The following EPM2A variants were observed in gnomAD, a reference collection of about 807,000 sequenced individuals.
EPM2A encodes the protein EPM2A glucan phosphatase, laforin.
A neutral mutation model predicts 26.5 loss-of-function variants in EPM2A; 21 were observed. The ratio of observed to expected loss-of-function variants is 0.79; its 90% CI spans 0.56 to 1.14. EPM2A has a LOEUF of 1.14. Among genes scored for constraint, EPM2A ranks in the 50% most tolerant of loss-of-function variants. EPM2A has a pLI of 0.00. For synonymous variants in EPM2A, 217 were observed against 177.6 expected (o/e 1.22, Z -1.76); for missense variants, 458 against 440.8 (o/e 1.04, Z -0.35).
intron 4 of EPM2A, among the ~76,000 whole-genome samples, chr6:145,400,853 G>C (rs1226859759): frequency 1.3e-5 from 2 of 151,756 alleles, no homozygotes; most frequent in African/African-American, 2.4e-5. Flanking sequence ...TTTCATCCGG[G>C]GCTCTGCTTC....
At chr6:145,724,873 A>G (rs959477423) in intron 1 of EPM2A, among the ~76,000 whole-genome samples, 3 of 152,082 alleles carry the variant, frequency 2.0e-5, no homozygotes, top group African/African-American at 7.2e-5. Flanking sequence ...ATATATACAT[A>G]TGTAAAAACT....
intron 2 of EPM2A, among the ~76,000 whole-genome samples, chr6:145,583,450 T>A (rs1781143098): frequency 6.6e-6 from 1 of 152,204 alleles, no homozygotes; most frequent in Non-Finnish European, 1.5e-5. Context: ...ACTCCTGTGC[T>A]GTGTTTTCTA....
At chr6:145,531,963 G>A (rs908650046) in intron 2 of EPM2A, among the ~76,000 whole-genome samples, 1 of 152,076 alleles carries the variant, frequency 6.6e-6, no homozygotes, top group African/African-American at 2.4e-5. Context: ...CTAACAATGC[G>A]ACTGCTTGGC....
intron 4 of EPM2A, among the ~76,000 whole-genome samples, chr6:145,417,854 C>T (rs1251808138): frequency 2.0e-5 from 3 of 152,164 alleles, no homozygotes; most frequent in Admixed American, 6.5e-5. Context: ...CCACACACCT[C>T]GAGAGCAGCT....
In EPM2A at chr6:145,735,192, C is replaced by T. The variant is rs1244237761; in HGVS notation, c.301+6G>A. On this transcript the variant is annotated splice_donor_region_variant and intron_variant, in intron 1 of 3. Transcript: ENST00000367519. ...TGCGCCGGGGGCAGGCGTCTGCTGG[C>T]AATACCTTCCCAGGAGAGCTCTCCT... 2.0e-6 allele frequency: 3 copies of T among 1,503,568 alleles called. No individual in the cohort carries two copies. Among genetic ancestry groups the T allele is most frequent in the Non-Finnish European group, 2.7e-6 (3 of 1,121,472 alleles). 93.1% of individuals were successfully genotyped at this position (1,503,568 alleles called of 1,614,324 possible). A position where few individuals can be genotyped will look rare whatever the true frequency, so the allele number is the denominator to read the frequency against.
intron 4 of EPM2A, among the ~76,000 whole-genome samples, chr6:145,386,951 G>A (rs1778270354): frequency 2.0e-5 from 3 of 152,014 alleles, no homozygotes; most frequent in South Asian, 4.2e-4. Flanking sequence ...CATACTTTAG[G>A]GGATCTAGGG....
intron 1 of EPM2A, among the ~76,000 whole-genome samples, chr6:145,699,831 A>T (rs1202145055): frequency 1.3e-5 from 2 of 152,236 alleles, no homozygotes; most frequent in Non-Finnish European, 2.9e-5. Flanking sequence ...ACATTAGTTA[A>T]TGATTCATGA....
At chr6:145,591,272 TA>T (rs920661700) in intron 2 of EPM2A, among the ~76,000 whole-genome samples, 8 of 151,658 alleles carry the variant, frequency 5.3e-5, no homozygotes, top group Non-Finnish European at 7.4e-5. Flanking sequence ...GCAAAATAAA[TA>T]AAAAAAACTA....
intron 2 of EPM2A, among the ~76,000 whole-genome samples, chr6:145,522,402 C>T (rs919621482): frequency 6.6e-6 from 1 of 152,060 alleles, no homozygotes; most frequent in East Asian, 1.9e-4. Context: ...ATTCCCCCTC[C>T]ATCAACTGAC....
At chr6:145,450,595 TA>T (rs1374733757) in intron 4 of EPM2A, among the ~76,000 whole-genome samples, 2 of 152,186 alleles carry the variant, frequency 1.3e-5, no homozygotes, top group Non-Finnish European at 2.9e-5. Flanking sequence ...CTCTGATCAG[TA>T]AGCAGTTAAA....
At chr6:145,694,888 C>T (rs554851417) in intron 1 of EPM2A, among the ~76,000 whole-genome samples, 1 of 152,052 alleles carries the variant, frequency 6.6e-6, no homozygotes, top group Admixed American at 6.5e-5. Flanking sequence ...GAATTCATCA[C>T]CACTAGTCCT....
chr6:145,445,593 A>G (rs1291717098), intron 4 of EPM2A, among the ~76,000 whole-genome samples: 1 of 152,172 alleles, frequency 6.6e-6, no homozygotes, highest in Non-Finnish European at 1.5e-5. Flanking sequence ...TTTTTCTTGA[A>G]TAAGCACTCC....
chr6:145,565,697 C>A (rs551216759), intron 2 of EPM2A, among the ~76,000 whole-genome samples: 16 of 152,256 alleles, frequency 1.1e-4, no homozygotes, highest in African/African-American at 3.6e-4. Flanking sequence ...GAGCTTGGCC[C>A]TCTAAGATCC....
intron 4 of EPM2A, among the ~76,000 whole-genome samples, chr6:145,419,731 CAGAAAA>C (rs1232602751): frequency 6.6e-6 from 1 of 151,910 alleles, no homozygotes; most frequent in Non-Finnish European, 1.5e-5. Flanking sequence ...CAGTGTCTAA[CAGAAAA>C]AATTTTGAGG....
chr6:145,397,434 C>A (rs1290189528), intron 4 of EPM2A, among the ~76,000 whole-genome samples: 1 of 151,802 alleles, frequency 6.6e-6, no homozygotes, highest in Non-Finnish European at 1.5e-5. Context: ...GAGCAAGAGC[C>A]TTAAAAAATA....
At chr6:145,714,279 G>A (rs1012396410) in intron 1 of EPM2A, among the ~76,000 whole-genome samples, 3 of 152,174 alleles carry the variant, frequency 2.0e-5, no homozygotes, top group Admixed American at 6.5e-5. Context: ...CATAGTATTT[G>A]CATATAACAT....
intron 2 of EPM2A, among the ~76,000 whole-genome samples, chr6:145,572,233 T>G (rs71566417): frequency 6.6e-6 from 1 of 152,304 alleles, no homozygotes; most frequent in East Asian, 1.9e-4. Context: ...GGTGCCTGCA[T>G]ATTGTGCAGA....
At chr6:145,466,797 G>A (rs1779402578) in intron 4 of EPM2A, among the ~76,000 whole-genome samples, 1 of 152,150 alleles carries the variant, frequency 6.6e-6, no homozygotes, top group South Asian at 2.1e-4. Context: ...TATACACCAT[G>A]GAATACTATG....
Position 145,625,395 on chromosome 6 carries a change from C to A in EPM2A, c.*2021G>T. 3.4e-6 allele frequency: 1 copy of A among 296,250 alleles called. No homozygotes were observed. The allele number at this position is 296,250 out of a possible 1,614,324, so 18.4% of individuals were successfully genotyped here. Reference sequence around the variant, plus strand: ...CATTGAGGAAAAAGACAGTTTATTCCAAAACATTCTTTAATAGTCCTAAAC... The same window carrying A: ...CATTGAGGAAAAAGACAGTTTATTCAAAAACATTCTTTAATAGTCCTAAAC... On this transcript the variant is annotated 3_prime_UTR_variant, in exon 4 of 4. Transcript: ENST00000367519.
Sources: allele counts gnomAD v4.1 joint callset (sites outside exome capture counted in the v4.1 genomes callset), GRCh38; gene constraint gnomAD v4.1.1; transcripts MANE v1.5; gene names NCBI Gene and HGNC (gene_info 2026-07-23, HGNC 2026-07-21).